Variants in GLIS3 observed in about 807,000 individuals in gnomAD.
The protein encoded by GLIS3 is zinc finger protein GLIS3.
A neutral mutation model predicts 78.6 loss-of-function variants in GLIS3; 53 were observed. That is an observed-to-expected ratio of 0.67 (90% CI 0.54 to 0.85). The LOEUF (loss-of-function observed/expected upper bound fraction) is 0.85, where lower values mean the gene tolerates loss of function less well. Among genes scored for constraint, GLIS3 ranks in the 40% least tolerant of loss-of-function variants. GLIS3 has a pLI of 0.00. For missense variants in GLIS3, 1,703 were observed against 1,231.1 expected (o/e 1.38, Z -5.74); for synonymous variants, 684 against 509.9 (o/e 1.34, Z -4.60).
Position 4,119,000 on chromosome 9 carries a change from A to G in GLIS3, c.597-119T>C. The G allele has an allele frequency of 9.3e-7, 1 of 1,073,834 alleles. No individual in the cohort carries two copies. The highest frequency in any genetic ancestry group is 1.4e-5 in the South Asian group (1 of 71,290). 66.5% of individuals were successfully genotyped at this position (1,073,834 alleles called of 1,614,324 possible). A position where few individuals can be genotyped will look rare whatever the true frequency, so the allele number is the denominator to read the frequency against. ...TCCCTTAAGTATTTCCCCTAATTAC[A>G]TTCTGTGCTAAACACACATTCTTGG... On this transcript the variant is annotated intron_variant, in intron 3 of 10. Transcript: ENST00000381971. This position sits in a 1 kb window ranked among gnomAD's most constrained non-coding sequence, Gnocchi z 4.7.
At chr9:4,347,329 C>G (rs1817909143) in intron 1 of GLIS3, 1 of 152,148 alleles carries the variant, frequency 6.6e-6, no homozygotes, top group South Asian at 2.1e-4. Flanking sequence ...GGGATCTGCC[C>G]TCATGACCTA....
intron 7 of GLIS3, among the ~76,000 whole-genome samples, chr9:3,893,038 T>C (rs887205202): frequency 9.2e-5 from 14 of 152,316 alleles, no homozygotes; most frequent in African/African-American, 2.6e-4. Context: ...GTTGTACACA[T>C]TGTTTCACTG....
intron 7 of GLIS3, among the ~76,000 whole-genome samples, chr9:3,883,307 C>G (rs1285860863): frequency 3.9e-5 from 6 of 152,196 alleles, no homozygotes; most frequent in Non-Finnish European, 5.9e-5. Flanking sequence ...CTTCCAAACA[C>G]AATTTTCCAG....
At chr9:4,433,169 C>T in the GLIS3 span, among the ~76,000 whole-genome samples, 2 of 152,236 alleles carry the variant, frequency 1.3e-5, no homozygotes, top group Non-Finnish European at 2.9e-5. Context: ...CTATGGCCCA[C>T]GCCTGTAATC....
chr9:4,258,463 G>T (rs913238523), intron 2 of GLIS3, among the ~76,000 whole-genome samples: 2 of 152,212 alleles, frequency 1.3e-5, no homozygotes, highest in African/African-American at 4.8e-5. Context: ...GCTAGGAAGT[G>T]TTGGGAATTT....
chr9:4,045,225 A>C (rs1012491768), intron 4 of GLIS3, among the ~76,000 whole-genome samples: 4 of 152,294 alleles, frequency 2.6e-5, no homozygotes, highest in African/African-American at 9.6e-5. Flanking sequence ...CTATTACTTG[A>C]AGACGGTCCC....
At chr9:4,300,702 C>T (rs1013577033), upstream of GLIS3, among the ~76,000 whole-genome samples, 3 of 151,926 alleles carry the variant, frequency 2.0e-5, no homozygotes, top group Non-Finnish European at 4.4e-5. Context: ...TCCTCAGCCT[C>T]ATACCCCACC....
At chr9:4,306,293 G>A (rs894122232) in intron 4 of GLIS3, among the ~76,000 whole-genome samples, 1 of 150,274 alleles carries the variant, frequency 6.7e-6, no homozygotes, top group Non-Finnish European at 1.5e-5. Flanking sequence ...CAGGCTGTGG[G>A]TTTTTCAGGG....
chr9:4,264,621 G>A (rs1483569991), intron 2 of GLIS3, among the ~76,000 whole-genome samples: 1 of 151,922 alleles, frequency 6.6e-6, no homozygotes, highest in African/African-American at 2.4e-5. Flanking sequence ...CTCTTCCTTA[G>A]GTCTGCAGAT....
intron 4 of GLIS3, among the ~76,000 whole-genome samples, chr9:4,026,625 A>AGT (rs1823370560): frequency 6.6e-6 from 1 of 152,222 alleles, no homozygotes; most frequent in Non-Finnish European, 1.5e-5. Flanking sequence ...AATTCAATAA[A>AGT]ACACAGATCA....
chr9:4,232,209 C>A (rs564862980), intron 2 of GLIS3, among the ~76,000 whole-genome samples: 9 of 151,976 alleles, frequency 5.9e-5, no homozygotes, highest in African/African-American at 2.2e-4. Flanking sequence ...AAGATTCTGT[C>A]TCTACAGAAA....
chr9:4,343,014 C>T (rs1817856816), intron 2 of GLIS3, among the ~76,000 whole-genome samples: 1 of 152,078 alleles, frequency 6.6e-6, no homozygotes, highest in Admixed American at 6.5e-5. Context: ...AAATGTTTAA[C>T]ATTGATAATC....
chr9:4,486,724 T>C, the GLIS3 span, among the ~76,000 whole-genome samples: 3 of 152,150 alleles, frequency 2.0e-5, no homozygotes, highest in South Asian at 6.2e-4. Flanking sequence ...GTAAGGCCTC[T>C]TGTCACCCAG....
rs1231063725 is a variant in GLIS3, at chr9:4,106,663, A to C, written c.1710+11105T>G. 4.6e-5 allele frequency among the ~76,000 whole-genome samples: 7 copies of C among 152,168 alleles called. No homozygotes were observed. The East Asian group carries it at 1.2e-3, about 25-fold the overall frequency. ...AGAGAATAGAAGAGCATTTATGACC[A>C]CATTGTGTGTATCAAATAAGCTACT... On this transcript the variant is annotated intron_variant, in intron 4 of 10. Transcript: ENST00000381971.
intron 2 of GLIS3, among the ~76,000 whole-genome samples, chr9:4,270,975 C>G (rs1039034452): frequency 6.6e-6 from 1 of 151,590 alleles, no homozygotes; most frequent in African/African-American, 2.4e-5. Flanking sequence ...TTGAACTGCA[C>G]AGATTCACTT....
At chr9:4,208,622 G>T (rs1425774543) in intron 2 of GLIS3, among the ~76,000 whole-genome samples, 1 of 152,216 alleles carries the variant, frequency 6.6e-6, no homozygotes, top group African/African-American at 2.4e-5. Context: ...TCTCTGTAAA[G>T]TGTGACTGAA....
chr9:3,988,522 C>G (rs1265674087), intron 4 of GLIS3, among the ~76,000 whole-genome samples: 1 of 152,080 alleles, frequency 6.6e-6, no homozygotes, highest in African/African-American at 2.4e-5. Flanking sequence ...TAATGTATAG[C>G]TACAGTAATC....
At chr9:4,371,661 C>G in the GLIS3 span, among the ~76,000 whole-genome samples, 2 of 152,108 alleles carry the variant, frequency 1.3e-5, no homozygotes, top group African/African-American at 4.8e-5. Context: ...TGGCCTCTGC[C>G]CCCTGCCTCA....
chr9:4,463,939 G>A, the GLIS3 span, among the ~76,000 whole-genome samples: 1,474 of 152,244 alleles, frequency 9.7e-3, 25 homozygotes, highest in African/African-American at 0.034. Flanking sequence ...AACTGAGGGA[G>A]GAAATACAAA....
Sources: allele counts gnomAD v4.1 joint callset (sites outside exome capture counted in the v4.1 genomes callset), GRCh38; gene constraint gnomAD v4.1.1; non-coding constraint Gnocchi (gnomAD v3.1); transcripts MANE v1.5; gene names NCBI Gene and HGNC (gene_info 2026-07-23, HGNC 2026-07-21).